Variants in TAFA1 observed in about 807,000 individuals in gnomAD.
The protein encoded by TAFA1 is TAFA chemokine like family member 1, also known as chemokine-like protein TAFA-1.
TAFA1 carries 4 observed loss-of-function variants against 18.5 expected under a neutral mutation model. The observed-to-expected ratio is 0.22, with a 90% CI of 0.11 to 0.49. TAFA1 has a LOEUF of 0.49. Among genes scored for constraint, TAFA1 ranks in the 20% least tolerant of loss-of-function variants. TAFA1 has a pLI of 0.98. For missense variants in TAFA1, 147 were observed against 169.0 expected, an observed-to-expected ratio of 0.87 and a Z score of 0.72; for synonymous variants, 56 against 55.2, an observed-to-expected ratio of 1.01 and a Z score of -0.06.
chr3:68,390,668 A>G (rs2070219185), intron 2 of TAFA1, among the ~76,000 whole-genome samples: 1 of 152,204 alleles, frequency 6.6e-6, no homozygotes, highest in African/African-American at 2.4e-5. Context: ...GCAGGCAGCA[A>G]TCTTTGCTGT....
intron 3 of TAFA1, among the ~76,000 whole-genome samples, chr3:68,425,827 C>A (rs1160042497): frequency 6.6e-6 from 1 of 151,802 alleles, no homozygotes; most frequent in Non-Finnish European, 1.5e-5. Context: ...ATTCTCAGAC[C>A]TGTTCCTGAG....
At chr3:68,500,590 A>T (rs2665537) in intron 3 of TAFA1, among the ~76,000 whole-genome samples, 30,845 of 151,956 alleles carry the variant, frequency 0.2, 3,230 homozygotes, top group Middle Eastern at 0.24. Flanking sequence ...ACTTAGTCAC[A>T]CCCATTTGTT....
chr3:68,214,978 C>T (rs1173466800), intron 2 of TAFA1, among the ~76,000 whole-genome samples: 1 of 151,842 alleles, frequency 6.6e-6, no homozygotes, highest in African/African-American at 2.4e-5. Flanking sequence ...TATACTGTTG[C>T]TGATCTGTGA....
At chr3:68,101,501 C>A (rs1366409607) in intron 2 of TAFA1, among the ~76,000 whole-genome samples, 1 of 151,852 alleles carries the variant, frequency 6.6e-6, no homozygotes, top group African/African-American at 2.4e-5. Flanking sequence ...TACTATGCAG[C>A]CATAAAAAAT....
At chr3:68,271,529 G>T (rs9826468) in intron 2 of TAFA1, among the ~76,000 whole-genome samples, 3 of 152,176 alleles carry the variant, frequency 2.0e-5, no homozygotes, top group South Asian at 2.1e-4. Flanking sequence ...GAAAAACAGC[G>T]ATTTCTAAGA....
At chr3:68,089,213 A>G (rs1233312742) in intron 2 of TAFA1, among the ~76,000 whole-genome samples, 2 of 152,204 alleles carry the variant, frequency 1.3e-5, no homozygotes, top group Non-Finnish European at 2.9e-5. Flanking sequence ...AGTTCTCAGT[A>G]TTGGCTAAGT....
intron 2 of TAFA1, among the ~76,000 whole-genome samples, chr3:68,320,303 G>C (rs567230477): frequency 6.6e-6 from 1 of 152,160 alleles, no homozygotes; most frequent in Non-Finnish European, 1.5e-5. Flanking sequence ...ATGCAGGGGT[G>C]TGTTCTGAGT....
intron 2 of TAFA1, among the ~76,000 whole-genome samples, chr3:68,392,209 A>G (rs1433565474): frequency 1.3e-5 from 2 of 150,512 alleles, no homozygotes; most frequent in Non-Finnish European, 3.0e-5. Context: ...AGGGATTGCA[A>G]TCCTAGTCTC....
At chr3:68,491,623 T>A (rs958535606) in intron 3 of TAFA1, among the ~76,000 whole-genome samples, 3 of 151,928 alleles carry the variant, frequency 2.0e-5, no homozygotes, top group African/African-American at 7.3e-5. Flanking sequence ...CACACCAACA[T>A]GGCACATGTA....
intron 2 of TAFA1, among the ~76,000 whole-genome samples, chr3:68,276,712 A>C (rs1394255297): frequency 3.3e-5 from 5 of 152,200 alleles, no homozygotes; most frequent in African/African-American, 1.2e-4. Context: ...ATTGTAGAGT[A>C]AACCTCCTTT....
chr3:68,221,305 C>T (rs73836804), intron 2 of TAFA1, among the ~76,000 whole-genome samples: 2 of 152,226 alleles, frequency 1.3e-5, no homozygotes, highest in African/African-American at 4.8e-5. Flanking sequence ...TTTCTCCTTC[C>T]CATTATTTCT....
chr3:67,996,145 C>A, the TAFA1 span, among the ~76,000 whole-genome samples: 1 of 152,162 alleles, frequency 6.6e-6, no homozygotes, highest in African/African-American at 2.4e-5. Flanking sequence ...GAGTTCTAGT[C>A]TCCGTACCTC....
chr3:68,231,180 C>G (rs914443093), intron 2 of TAFA1, among the ~76,000 whole-genome samples: 34 of 152,068 alleles, frequency 2.2e-4, no homozygotes, highest in African/African-American at 7.2e-4. Context: ...TTTTTGTACA[C>G]ATGTATTTTT....
At chr3:68,162,099 A>C (rs1358357880) in intron 2 of TAFA1, among the ~76,000 whole-genome samples, 1 of 152,178 alleles carries the variant, frequency 6.6e-6, no homozygotes, top group East Asian at 1.9e-4. Context: ...CCTAGAAGCA[A>C]TAGATTTCTC....
At chr3:68,422,792 C>T (rs1453634537) in intron 3 of TAFA1, among the ~76,000 whole-genome samples, 1 of 152,072 alleles carries the variant, frequency 6.6e-6, no homozygotes, top group Non-Finnish European at 1.5e-5. Context: ...ATCCTTGAAC[C>T]TGTGCCTAGC....
chr3:68,178,240 T>C (rs2066150889), intron 2 of TAFA1, among the ~76,000 whole-genome samples: 1 of 152,200 alleles, frequency 6.6e-6, no homozygotes. Context: ...CAAAATTTAT[T>C]TTCAAGTTGT....
chr3:68,022,300 T>C (rs1165895287), intron 2 of TAFA1, among the ~76,000 whole-genome samples: 1 of 152,192 alleles, frequency 6.6e-6, no homozygotes, highest in Admixed American at 6.5e-5. Flanking sequence ...TCAAGAAAGT[T>C]GTCATCATAA....
chr3:68,316,643 A>G (rs1480148996), intron 2 of TAFA1, among the ~76,000 whole-genome samples: 1 of 152,182 alleles, frequency 6.6e-6, no homozygotes, highest in African/African-American at 2.4e-5. Flanking sequence ...AATTCATTAG[A>G]TTCCAATTTT....
chr3:68,309,384 C>T (rs1483695381), intron 2 of TAFA1, among the ~76,000 whole-genome samples: 1 of 152,084 alleles, frequency 6.6e-6, no homozygotes, highest in Admixed American at 6.6e-5. Flanking sequence ...TACTGAACAC[C>T]TACAATAATC....
Sources: gnomAD v4.1 joint callset for allele counts (sites outside exome capture counted in the v4.1 genomes callset) on GRCh38, gnomAD v4.1.1 for gene constraint, MANE v1.5 for transcripts, NCBI Gene and HGNC (gene_info 2026-07-23, HGNC 2026-07-21) for gene names.